The following TLN2 variants were observed in gnomAD, a reference collection of about 807,000 sequenced individuals.
TLN2 encodes the protein talin-2.
TLN2 carries 118 observed loss-of-function variants against 294.7 expected under a neutral mutation model. That is an observed-to-expected ratio of 0.40 (90% CI 0.34 to 0.47). The LOEUF (loss-of-function observed/expected upper bound fraction) is 0.47, where lower values mean the gene tolerates loss of function less well. Ranked by LOEUF, TLN2 falls within the 20% of genes least tolerant of loss-of-function variation. The pLI is 0.84. For missense variants in TLN2, 3,083 were observed against 3,282.2 expected, an observed-to-expected ratio of 0.94 and a Z score of 1.48; for synonymous variants, 1,431 against 1,304.5, an observed-to-expected ratio of 1.10 and a Z score of -2.09.
chr15:62,648,498 T>G (rs1244544430), intron 4 of TLN2, among the ~76,000 whole-genome samples: 1 of 150,614 alleles, frequency 6.6e-6, no homozygotes, highest in Non-Finnish European at 1.5e-5. Context: ...AAAGATCTGC[T>G]TCTCATAAAA....
At chr15:62,827,441 G>A (rs1165956707) in intron 54 of TLN2, among the ~76,000 whole-genome samples, 1 of 152,204 alleles carries the variant, frequency 6.6e-6, no homozygotes, top group Non-Finnish European at 1.5e-5. Flanking sequence ...AAAAGGACCA[G>A]GAAGGTTGAG....
intron 52 of TLN2, among the ~76,000 whole-genome samples, chr15:62,813,305 C>T (rs1158399221): frequency 1.3e-5 from 2 of 152,318 alleles, no homozygotes; most frequent in South Asian, 4.1e-4. Flanking sequence ...TTCTTGTCCT[C>T]ATTGTATACA....
intron 3 of TLN2, among the ~76,000 whole-genome samples, chr15:62,619,720 C>T (rs2048613920): frequency 6.6e-6 from 1 of 152,060 alleles, no homozygotes. Context: ...GAAGATGGAG[C>T]CCCCCAGAAG....
intron 2 of TLN2, among the ~76,000 whole-genome samples, chr15:62,615,703 T>C (rs1033730562): frequency 1.3e-5 from 2 of 152,268 alleles, no homozygotes; most frequent in Non-Finnish European, 2.9e-5. Flanking sequence ...TCTTGGAACA[T>C]AAACACTCAT....
intron 2 of TLN2, among the ~76,000 whole-genome samples, chr15:62,604,396 G>T (rs1304830225): frequency 2.0e-5 from 3 of 151,806 alleles, no homozygotes; most frequent in East Asian, 1.9e-4. Context: ...ATTAGCTGGG[G>T]GTAGTGGGTA....
intron 7 of TLN2, among the ~76,000 whole-genome samples, chr15:62,655,571 A>C (rs2053111263): frequency 6.8e-6 from 1 of 147,864 alleles, no homozygotes; most frequent in Non-Finnish European, 1.5e-5. Context: ...GCAGCATATT[A>C]TACATTCATT....
At chr15:62,556,051 C>T (rs1223910543) in intron 1 of TLN2, among the ~76,000 whole-genome samples, 1 of 150,172 alleles carries the variant, frequency 6.7e-6, no homozygotes, top group Non-Finnish European at 1.5e-5. Flanking sequence ...ACTTTACAAA[C>T]TGAGGAAGAA....
At chr15:62,580,669 C>G (rs1279521934) in intron 1 of TLN2, among the ~76,000 whole-genome samples, 1 of 151,954 alleles carries the variant, frequency 6.6e-6, no homozygotes, top group Non-Finnish European at 1.5e-5. Context: ...TCTTCGCCTC[C>G]CAAAGTGCTG....
At chr15:62,490,506 T>C (rs1466326874) in intron 1 of TLN2, among the ~76,000 whole-genome samples, 2 of 152,196 alleles carry the variant, frequency 1.3e-5, no homozygotes, top group African/African-American at 2.4e-5. Flanking sequence ...TGTGTCTAAA[T>C]TGGAGTAAAA....
chr15:62,635,277 TA>T (rs1391565472), intron 3 of TLN2, among the ~76,000 whole-genome samples: 1 of 152,030 alleles, frequency 6.6e-6, no homozygotes, highest in Non-Finnish European at 1.5e-5. Context: ...TAATCTGAAA[TA>T]AAAAACAGAA....
chr15:62,486,015 TAA>T (rs34488115), intron 1 of TLN2, among the ~76,000 whole-genome samples: 23,531 of 150,686 alleles, frequency 0.16, 2,492 homozygotes, highest in East Asian at 0.55. Context: ...AGAAAAGTTG[TAA>T]AAAAAAAATA....
chr15:62,692,754 C>T, intron 12 of TLN2, 86 bp from the exon 13 acceptor site: 1 of 967,952 alleles, frequency 1.0e-6, no homozygotes, highest in Non-Finnish European at 1.6e-6. Context: ...AAGTCTATGT[C>T]ATATTGTTCT....
At chr15:62,752,508 T>C (rs1038724891) in intron 35 of TLN2, 81 bp downstream of exon 35, 2 of 1,551,350 alleles carry the variant, frequency 1.3e-6, no homozygotes, top group South Asian at 1.2e-5. Context: ...GCTGCACCTC[T>C]TTCTCCAAGT....
chr15:62,443,725 G>C (rs73426608), intron 1 of TLN2, among the ~76,000 whole-genome samples: 1 of 152,214 alleles, frequency 6.6e-6, no homozygotes, highest in African/African-American at 2.4e-5. Context: ...GTCTGAGCCA[G>C]ATGCAGTGGT....
chr15:62,829,190 A>G (rs1032622543), intron 54 of TLN2: 1 of 149,280 alleles, frequency 6.7e-6, no homozygotes, highest in Non-Finnish European at 1.5e-5. Flanking sequence ...TATATAATAC[A>G]TGAGATGTGT....
At chr15:62,526,807 T>C (rs2040763135) in intron 1 of TLN2, among the ~76,000 whole-genome samples, 1 of 152,180 alleles carries the variant, frequency 6.6e-6, no homozygotes, top group Admixed American at 6.5e-5. Context: ...ATGTAGGGGT[T>C]ATAGATGCCA....
chr15:62,668,334 T>C (rs951897667), intron 9 of TLN2, among the ~76,000 whole-genome samples: 1 of 152,244 alleles, frequency 6.6e-6, no homozygotes, highest in Non-Finnish European at 1.5e-5. Flanking sequence ...TTGTATTCTT[T>C]GAATATATAC....
At chr15:62,704,383 C>G (rs920852599) in intron 19 of TLN2, among the ~76,000 whole-genome samples, 1 of 152,208 alleles carries the variant, frequency 6.6e-6, no homozygotes, top group African/African-American at 2.4e-5. Flanking sequence ...GATCCTCTGG[C>G]ATTCAGGTTT....
At position 62,783,806 on chromosome 15, in the gene TLN2, A is replaced by T. The variant is rs769373283; in HGVS notation, c.5652A>T (p.Gly1884=). The change falls in exon 45 of 59, where the codon GGA becomes GGT. Residue 1884 remains glycine, a synonymous_variant. Transcript: ENST00000636159. ...TKSVTNPEEL[G]GLASQMTSDY... is the part of the protein sequence containing the mutation. Reference sequence around the variant, plus strand: ...CGGTTACTAACCCGGAGGAGTTGGGAGGACTGGCTTCACAAATGACCAGTG... The same window carrying T: ...CGGTTACTAACCCGGAGGAGTTGGGTGGACTGGCTTCACAAATGACCAGTG... 1.2e-5 allele frequency: 20 copies of T among 1,610,092 alleles called. No individual in the cohort carries two copies. Among genetic ancestry groups the T allele is most frequent in the Non-Finnish European group, 1.7e-5 (20 of 1,176,838 alleles).
Sources: gnomAD v4.1 joint callset for allele counts (sites outside exome capture counted in the v4.1 genomes callset) on GRCh38, gnomAD v4.1.1 for gene constraint, MANE v1.5 for transcripts, NCBI Gene and HGNC (gene_info 2026-07-23, HGNC 2026-07-21) for gene names.